Variants in CLCN4 observed in about 807,000 individuals in gnomAD.
CLCN4 encodes the protein H(+)/Cl(-) exchange transporter 4.
CLCN4 carries 1 observed loss-of-function variant against 41.7 expected under a neutral mutation model. That is an observed-to-expected ratio of 0.02 (90% CI 0.01 to 0.11). The LOEUF (loss-of-function observed/expected upper bound fraction) is 0.11, where lower values mean the gene tolerates loss of function less well. Ranked by LOEUF, CLCN4 falls within the 10% of genes least tolerant of loss-of-function variation. CLCN4 has a pLI of 1.00. For synonymous variants in CLCN4, 277 were observed against 285.8 expected (o/e 0.97, Z 0.31); for missense variants, 287 against 661.0 (o/e 0.43, Z 6.20).
rs1061287 is a variant in CLCN4, at chrX:10,158,391, C to G, written c.-172C>G. ...TCCCGGGACTTCCAGGGTCTTCCCC[C>G]CACCCCGCGCACACCTCCCTGCCTC... On this transcript the variant is annotated 5_prime_UTR_variant, in exon 2 of 13. Transcript: ENST00000380833. 6.8e-6 allele frequency: 2 copies of G among 295,927 alleles called. No individual in the cohort carries two copies. Among genetic ancestry groups the G allele is most frequent in the Non-Finnish European group, 1.2e-5 (2 of 169,420 alleles). The allele number at this position is 295,927 out of a possible 1,213,427, so 24.4% of individuals were successfully genotyped here.
In CLCN4 at chrX:10,208,500, G is replaced by T. The variant is rs1008267062; in HGVS notation, c.1299G>T (p.Pro433=). 8.3e-7 allele frequency: 1 copy of T among 1,211,218 alleles called. No homozygotes were observed. The highest frequency in any genetic ancestry group is 2.2e-5 in the Admixed American group (1 of 45,988). Residue 433 remains proline (P), a synonymous_variant, in exon 9 of 13, where the codon CCG becomes CCT. Transcript: ENST00000380833. Reference sequence around the variant, plus strand: ...CTGTGGATGACATTCCAGACCGGCCGGCTGGTGTCGGTGTTTACACGGCCA... The same window carrying T: ...CTGTGGATGACATTCCAGACCGGCCTGCTGGTGTCGGTGTTTACACGGCCA... The part of the protein sequence containing the change: ...TRPVDDIPDR[P]AGVGVYTAMW...
intron 4 of CLCN4, among the ~76,000 whole-genome samples, chrX:10,189,975 T>C (rs1230515523): frequency 1.8e-5 from 2 of 111,388 alleles, no homozygotes; most frequent in Non-Finnish European, 3.8e-5. Flanking sequence ...TTCTTCACCT[T>C]CTTCTTCAAA....
chrX:10,227,676 T>G (rs1043850245), intron 12 of CLCN4, among the ~76,000 whole-genome samples: 8 of 111,767 alleles, frequency 7.2e-5, no homozygotes, highest in African/African-American at 2.6e-4. Context: ...TATACCACAG[T>G]CCTTGGCAAC....
At chrX:10,206,893 C>CT in intron 8 of CLCN4, 117 bp downstream of exon 8, 2 of 435,168 alleles carry the variant, frequency 4.6e-6, no homozygotes, top group Non-Finnish European at 3.5e-6. Context: ...ACAATTTCCA[C>CT]TGTTTTTTTT....
rs1028504155 is a variant in CLCN4 at position 10,192,399 on chromosome X, C to T, written c.245-2512C>T. Among the ~76,000 whole-genome samples, 5 of 111,593 alleles carry T rather than the reference C, an allele frequency of 4.5e-5. No individual in the cohort carries two copies. In the Admixed American group the frequency reaches 4.7e-4, roughly 11 times the overall value. On this transcript the variant is annotated intron_variant, in intron 4 of 12. Transcript: ENST00000380833. ...CCCAGGCTTAGGAAATCAGGAAAGA[C>T]TTCCCAGAGGAGGTGATATAAATGC...
chrX:10,213,934 G>C lies in CLCN4; in HGVS notation c.1830G>C (p.Ser610=). 2 of 1,212,095 alleles carry C rather than the reference G, an allele frequency of 1.7e-6. No homozygotes were observed. The highest frequency in any genetic ancestry group is 1.8e-5 in the South Asian group (1 of 57,003). The change falls in exon 11 of 13, where the codon TCG becomes TCC. Residue 610 remains serine (S), a synonymous_variant. Coordinates refer to ENST00000380833, the MANE Select transcript of CLCN4 (RefSeq NM_001830.4). ...CCCGGCGGGGAGAGCCGCCACTGTC[G>C]GTGCTCACCCAGGACAGCATGACTG... ...MRPRRGEPPL[S]VLTQDSMTVE... is the part of the protein sequence containing the mutation.
intron 12 of CLCN4, among the ~76,000 whole-genome samples, chrX:10,225,697 AT>A (rs1182753822): frequency 2.7e-5 from 3 of 111,226 alleles, no homozygotes; most frequent in South Asian, 3.7e-4. Context: ...TATTGCCTAG[AT>A]TTTTTTTCTA....
intron 3 of CLCN4, among the ~76,000 whole-genome samples, chrX:10,186,131 G>A (rs1156338446): frequency 9.0e-6 from 1 of 111,152 alleles, no homozygotes; most frequent in South Asian, 3.8e-4. Flanking sequence ...GAAGCAAGGG[G>A]GGACTGGCAG....
intron 2 of CLCN4, among the ~76,000 whole-genome samples, chrX:10,165,819 C>T (rs913538868): frequency 1.8e-5 from 2 of 111,933 alleles, no homozygotes; most frequent in East Asian, 2.8e-4. Context: ...CACACCAGCT[C>T]GCCTTTTACC....
chrX:10,178,422 T>A (rs956102854), intron 2 of CLCN4, among the ~76,000 whole-genome samples: 2 of 111,665 alleles, frequency 1.8e-5, no homozygotes, highest in African/African-American at 3.3e-5. Flanking sequence ...AATGCAGATA[T>A]CTTGAAAGTT....
intron 11 of CLCN4, among the ~76,000 whole-genome samples, chrX:10,214,334 G>A (rs945609547): frequency 4.4e-5 from 5 of 112,755 alleles, no homozygotes; most frequent in South Asian, 3.6e-4. Context: ...CACACTGTAA[G>A]GAAAAAGGCT....
intron 9 of CLCN4, 63 bp from the exon 10 acceptor site, chrX:10,212,402 TGG>T: frequency 9.4e-7 from 1 of 1,061,513 alleles, no homozygotes; most frequent in South Asian, 2.0e-5. Flanking sequence ...ATGTGTTTCT[TGG>T]GGGTCGTGAA....
chrX:10,174,601 G>C (rs760262350), intron 2 of CLCN4, among the ~76,000 whole-genome samples: 19 of 112,334 alleles, frequency 1.7e-4, no homozygotes, highest in Admixed American at 6.5e-4. Context: ...CAGCTCAGCA[G>C]GGCTGGTGAC....
At chrX:10,169,881 T>C (rs764806276) in intron 2 of CLCN4, among the ~76,000 whole-genome samples, 9 of 107,045 alleles carry the variant, frequency 8.4e-5, no homozygotes, top group Non-Finnish European at 1.7e-4. Context: ...CTCCGCCTCC[T>C]GGATTCAAGC....
intron 2 of CLCN4, among the ~76,000 whole-genome samples, chrX:10,160,600 G>A (rs1923068191): frequency 9.0e-6 from 1 of 111,669 alleles, no homozygotes; most frequent in South Asian, 3.8e-4. Context: ...GTGTCCACTC[G>A]GAGGTGTTGT....
chrX:10,200,746 T>C (rs931322884), intron 6 of CLCN4, among the ~76,000 whole-genome samples: 3 of 112,229 alleles, frequency 2.7e-5, no homozygotes, highest in Non-Finnish European at 1.9e-5. Context: ...TGGAGTGCAG[T>C]GGCATGATCA....
chrX:10,176,669 G>A (rs1923540869), intron 2 of CLCN4, among the ~76,000 whole-genome samples: 1 of 111,949 alleles, frequency 8.9e-6, no homozygotes, highest in African/African-American at 3.3e-5. Context: ...TTCCTTGCTT[G>A]TTGGAGACTC....
chrX:10,167,056 C>T (rs1480550423), intron 2 of CLCN4, among the ~76,000 whole-genome samples: 1 of 112,518 alleles, frequency 8.9e-6, no homozygotes, highest in African/African-American at 3.2e-5. Context: ...GGGCCGGGGC[C>T]GGGGAGGAAG....
chrX:10,159,507 C>T (rs755719149), intron 2 of CLCN4, among the ~76,000 whole-genome samples: 2 of 110,057 alleles, frequency 1.8e-5, no homozygotes, highest in Non-Finnish European at 3.8e-5. Flanking sequence ...TGTGGGGGCA[C>T]CCTTAGGGGG....
Sources: gnomAD v4.1 joint callset for allele counts (sites outside exome capture counted in the v4.1 genomes callset) on GRCh38, gnomAD v4.1.1 for gene constraint, MANE v1.5 for transcripts, NCBI Gene and HGNC (gene_info 2026-07-23, HGNC 2026-07-21) for gene names.